The following KALRN variants were observed in gnomAD, a reference collection of about 807,000 sequenced individuals.
The protein encoded by KALRN is kalirin RhoGEF kinase, also known as kalirin.
A neutral mutation model predicts 353.7 loss-of-function variants in KALRN; 70 were observed. The ratio of observed to expected loss-of-function variants is 0.20; its 90% CI spans 0.16 to 0.24. The LOEUF (loss-of-function observed/expected upper bound fraction) is 0.24. KALRN is among the 10% of genes least tolerant of loss of function. KALRN has a pLI of 1.00. For synonymous variants in KALRN, 1,391 were observed against 1,434.8 expected, an observed-to-expected ratio of 0.97 and a Z score of 0.69; for missense variants, 2,791 against 3,756.7, an observed-to-expected ratio of 0.74 and a Z score of 6.72.
Position 124,311,064 on chromosome 3 carries a change from C to CTTTTTTTTTTTTTTTTT in KALRN, c.1092+12163_1092+12179dup, listed in dbSNP as rs71145446. Among the ~76,000 whole-genome samples the CTTTTTTTTTTTTTTTTT allele has an allele frequency of 1.2e-3, 84 of 67,522 alleles. 18 individuals carry two copies. Among genetic ancestry groups the CTTTTTTTTTTTTTTTTT allele is most frequent in the Non-Finnish European group, 2.1e-3 (79 of 37,834 alleles). 44.3% of individuals were successfully genotyped at this position (67,522 alleles called of 152,430 possible). A position where few individuals can be genotyped will look rare whatever the true frequency, so the allele number is the denominator to read the frequency against. ...TCAAAACCACAATGAGATACTACTT[C>CTTTTTTTTTTTTTTTTT]TTTTTTTTTTTTTTTTTTTTTTTTT... is the stretch of plus-strand genomic sequence containing the variant. On this transcript the variant is annotated intron_variant, in intron 6 of 59. Coordinates refer to ENST00000682506, the MANE Select transcript of KALRN (RefSeq NM_001388419.1).
chr3:124,636,409 C>T (rs1192951827), intron 36 of KALRN, among the ~76,000 whole-genome samples: 1 of 152,202 alleles, frequency 6.6e-6, no homozygotes. Flanking sequence ...ATTGACCACA[C>T]AAACAACCAC....
rs2072539603 is a variant in KALRN, at chr3:124,259,519, T to C, written c.264-4979T>C. Reference sequence around the variant, plus strand: ...ATTAGGCTTTAAGACAACCCTGTAATTATTATTCACATTTTACATTGTGGG... The same window carrying C: ...ATTAGGCTTTAAGACAACCCTGTAACTATTATTCACATTTTACATTGTGGG... On this transcript the variant is annotated intron_variant, in intron 3 of 59. Transcript: ENST00000682506. Among the ~76,000 whole-genome samples the C allele has an allele frequency of 5.9e-5, 9 of 152,274 alleles. No individual in the cohort carries two copies. The South Asian group carries it at 1.7e-3, about 28-fold the overall frequency.
intron 34 of KALRN, among the ~76,000 whole-genome samples, chr3:124,575,007 A>C (rs182340514): frequency 1.3e-5 from 2 of 152,202 alleles, no homozygotes; most frequent in Non-Finnish European, 2.9e-5. Context: ...CCGAGGATCT[A>C]TGTGGGGGTG....
intron 6 of KALRN, among the ~76,000 whole-genome samples, chr3:124,311,064 CTTTTTTTT>C (rs71145446): frequency 1.2e-4 from 8 of 67,500 alleles, no homozygotes; most frequent in Non-Finnish European, 1.3e-4. Context: ...GATACTACTT[CTTTTTTTT>C]TTTTTTTTTT....
intron 37 of KALRN, among the ~76,000 whole-genome samples, chr3:124,642,812 T>G (rs1197110524): frequency 2.9e-5 from 4 of 138,304 alleles, no homozygotes; most frequent in East Asian, 2.6e-4. Context: ...CCTCGTTTTT[T>G]TTTTTTTTTT....
At chr3:124,305,149 G>T (rs1022814534) in intron 6 of KALRN, among the ~76,000 whole-genome samples, 3 of 152,134 alleles carry the variant, frequency 2.0e-5, no homozygotes, top group African/African-American at 7.2e-5. Context: ...TTTTGCTTGG[G>T]GTAGAAACAA....
chr3:124,139,761 C>T (rs912140045), intron 1 of KALRN, among the ~76,000 whole-genome samples: 4 of 152,100 alleles, frequency 2.6e-5, no homozygotes, highest in African/African-American at 9.7e-5. Flanking sequence ...AGATCATGGT[C>T]ATCTTTGAAA....
At chr3:124,155,361 A>G (rs1375153097) in intron 1 of KALRN, among the ~76,000 whole-genome samples, 5 of 152,172 alleles carry the variant, frequency 3.3e-5, no homozygotes, top group Non-Finnish European at 7.3e-5. Context: ...CAGCATCACA[A>G]TGTCACCTTT....
At chr3:124,054,662 T>G (rs2149172428) in intron 1 of KALRN, among the ~76,000 whole-genome samples, 1 of 152,308 alleles carries the variant, frequency 6.6e-6, no homozygotes, top group Non-Finnish European at 1.5e-5. Flanking sequence ...CTGCCTTTCC[T>G]AAATTGGAAA....
intron 1 of KALRN, among the ~76,000 whole-genome samples, chr3:124,090,383 C>T (rs2061046641): frequency 6.6e-6 from 1 of 152,212 alleles, no homozygotes; most frequent in Non-Finnish European, 1.5e-5. Flanking sequence ...GAATAATTAG[C>T]TTCTGCCTTT....
chr3:124,135,393 G>C lies in KALRN; in HGVS notation c.74-92597G>C, dbSNP rs531372690. ...GCTTGTGGGGAAGAGTGGGAGGGGG[G>C]CAAGGGATAAAAGATTATAGATATG... On this transcript the variant is annotated intron_variant, in intron 1 of 59. Transcript: ENST00000682506. Among the ~76,000 whole-genome samples, 344 of 152,188 alleles carry C rather than the reference G, an allele frequency of 2.3e-3. 2 individuals carry two copies. Among genetic ancestry groups the C allele is most frequent in the East Asian group, 7.7e-4 (4 of 5,170 alleles).
At chr3:124,262,150 TA>T (rs1184977275) in intron 3 of KALRN, among the ~76,000 whole-genome samples, 1 of 152,136 alleles carries the variant, frequency 6.6e-6, no homozygotes, top group Non-Finnish European at 1.5e-5. Flanking sequence ...TACCTTTCTG[TA>T]AAACAATCAT....
chr3:124,312,694 A>G (rs2078393019), intron 6 of KALRN, among the ~76,000 whole-genome samples: 1 of 152,230 alleles, frequency 6.6e-6, no homozygotes, highest in Admixed American at 6.5e-5. Flanking sequence ...TTGTGCATTC[A>G]ACAAACTTTT....
intron 1 of KALRN, among the ~76,000 whole-genome samples, chr3:124,160,560 G>A (rs2069761501): frequency 6.6e-6 from 1 of 152,088 alleles, no homozygotes; most frequent in African/African-American, 2.4e-5. Context: ...TGAATGATGT[G>A]TAAGAAAATG....
At chr3:124,502,061 G>A (rs1026737930) in intron 33 of KALRN, among the ~76,000 whole-genome samples, 1 of 152,180 alleles carries the variant, frequency 6.6e-6, no homozygotes, top group Non-Finnish European at 1.5e-5. Context: ...TGCTTATGGA[G>A]GACAGATGAC....
intron 34 of KALRN, among the ~76,000 whole-genome samples, chr3:124,620,806 G>T (rs1237410724): frequency 6.6e-6 from 1 of 152,216 alleles, no homozygotes; most frequent in Non-Finnish European, 1.5e-5. Context: ...TCCTCCCTCT[G>T]TCTCTGACTC....
chr3:124,110,514 A>G (rs73186226), intron 1 of KALRN, among the ~76,000 whole-genome samples: 8,150 of 149,056 alleles, frequency 0.055, 352 homozygotes, highest in Middle Eastern at 0.093. Flanking sequence ...AATGATTACC[A>G]CAAATGTGGG....
intron 10 of KALRN, among the ~76,000 whole-genome samples, chr3:124,356,566 T>C (rs1263032850): frequency 6.6e-6 from 1 of 152,086 alleles, no homozygotes; most frequent in Non-Finnish European, 1.5e-5. Context: ...ACTCCTGACC[T>C]CAGGTGATTG....
intron 1 of KALRN, among the ~76,000 whole-genome samples, chr3:124,089,360 T>C (rs1011417450): frequency 1.3e-5 from 2 of 152,132 alleles, no homozygotes; most frequent in Admixed American, 1.3e-4. Context: ...TCAGCTGTGG[T>C]AACTGGCAAC....
Sources: gnomAD v4.1 joint callset for allele counts (sites outside exome capture counted in the v4.1 genomes callset) on GRCh38, gnomAD v4.1.1 for gene constraint, MANE v1.5 for transcripts, NCBI Gene and HGNC (gene_info 2026-07-23, HGNC 2026-07-21) for gene names.